UBOX5: variants seen among roughly 807,000 people sequenced by gnomAD.
UBOX5 encodes the protein RING finger protein 37.
A neutral mutation model predicts 39.0 loss-of-function variants in UBOX5; 28 were observed. The ratio of observed to expected loss-of-function variants is 0.72; its 90% CI spans 0.53 to 0.98. UBOX5 has a LOEUF of 0.98. UBOX5 is among the 50% of genes least tolerant of loss of function. UBOX5 has a pLI of 0.00. For missense variants in UBOX5, 585 were observed against 674.4 expected (o/e 0.87, Z 1.47); for synonymous variants, 283 against 275.5 (o/e 1.03, Z -0.27).
intron 1 of UBOX5, among the ~76,000 whole-genome samples, chr20:3,136,664 CTAT>C (rs1311897780): frequency 1.3e-5 from 2 of 148,554 alleles, no homozygotes; most frequent in Non-Finnish European, 3.0e-5. Context: ...CTTAATATTA[CTAT>C]TATTTTGAGA....
At chr20:3,148,813 A>G in intron 1 of UBOX5, 1 of 1,614,212 alleles carries the variant, frequency 6.2e-7, no homozygotes, top group Non-Finnish European at 8.5e-7. Flanking sequence ...TACTGGCCTT[A>G]GAGGAAGAAG....
At chr20:3,117,083 G>A (rs2066298993) in intron 3 of UBOX5, among the ~76,000 whole-genome samples, 1 of 151,106 alleles carries the variant, frequency 6.6e-6, no homozygotes, top group Admixed American at 6.6e-5. Flanking sequence ...GTGACAGAGC[G>A]AGACTCCATC....
At chr20:3,136,801 G>A (rs1048463345) in intron 1 of UBOX5, among the ~76,000 whole-genome samples, 15 of 151,576 alleles carry the variant, frequency 9.9e-5, no homozygotes, top group African/African-American at 2.9e-4. Context: ...GACTATAGGC[G>A]CCTGGCACCA....
intron 1 of UBOX5, among the ~76,000 whole-genome samples, chr20:3,132,334 ACACAAAGAATTATACAG>A (rs1216691452): frequency 6.6e-6 from 1 of 152,082 alleles, no homozygotes; most frequent in Non-Finnish European, 1.5e-5. Context: ...CAAAAACAAA[ACACAAAGAATTATACAG>A]CACAAAGAAT....
rs762512461 is a variant in UBOX5, at chr20:3,147,933, T to A, written c.-42+11833A>T. 1 of 1,614,216 alleles carries A rather than the reference T, an allele frequency of 6.2e-7. No homozygotes were observed. The highest frequency in any genetic ancestry group is 8.5e-7 in the Non-Finnish European group (1 of 1,180,032). Reference sequence around the variant, plus strand: ...AGGGAAGGAATTCGCTGAGGAGCTATCTCTCCAATCTGCTTCATGAAATTG... The same window carrying A: ...AGGGAAGGAATTCGCTGAGGAGCTAACTCTCCAATCTGCTTCATGAAATTG... On this transcript the variant is annotated intron_variant, in intron 1 of 4. Coordinates refer to ENST00000217173, the MANE Select transcript of UBOX5 (RefSeq NM_014948.4).
rs746224837 is a variant in UBOX5, at chr20:3,149,003, C to T, written c.-42+10763G>A. 3 of 1,613,910 alleles carry T rather than the reference C, an allele frequency of 1.9e-6. No individual in the cohort carries two copies. Among genetic ancestry groups the T allele is most frequent in the Non-Finnish European group, 2.5e-6 (3 of 1,180,006 alleles). On this transcript the variant is annotated intron_variant, in intron 1 of 4. Coordinates refer to ENST00000217173, the MANE Select transcript of UBOX5 (RefSeq NM_014948.4). The surrounding 1 kb of genome is among the most constrained non-coding windows in gnomAD (Gnocchi z 4.1). ...CCAGTATGACACACTTCGGACTGCA[C>T]CAAAGGCAGAAGGACTGCAAAATGC...
chr20:3,131,777 G>T (rs960715732), intron 1 of UBOX5, among the ~76,000 whole-genome samples: 2 of 152,168 alleles, frequency 1.3e-5, no homozygotes, highest in African/African-American at 4.8e-5. Context: ...GGGAGGCAAA[G>T]GCGGGCAAAG....
At position 3,121,673 on chromosome 20, in the gene UBOX5, G is replaced by A. The variant is rs201820194; in HGVS notation, c.966C>T (p.Pro322=). 1.3e-4 allele frequency: 206 copies of A among 1,613,818 alleles called. 1 individual carries two copies. The highest frequency in any genetic ancestry group is 3.3e-4 in the Middle Eastern group (2 of 6,084). ...FTPHSQPLPH[P]SLKARIDHFL... is the part of the protein sequence containing the mutation. ...AATGGTCAATCCGGGCCTTGAGGGA[G>A]GGGTGAGGCAGGGGCTGAGAGTGCG... Residue 322 remains proline, a synonymous_variant, in exon 3 of 5, where the codon CCC becomes CCT. Coordinates refer to ENST00000217173, the MANE Select transcript of UBOX5 (RefSeq NM_014948.4).
intron 1 of UBOX5, chr20:3,136,210 T>C (rs2066470016): frequency 6.7e-6 from 1 of 149,938 alleles, no homozygotes; most frequent in Admixed American, 6.8e-5. Context: ...TTCGGCATTT[T>C]CTTCCTTTAG....
At chr20:3,112,273 G>A (rs1319715293) in intron 4 of UBOX5, among the ~76,000 whole-genome samples, 1 of 152,004 alleles carries the variant, frequency 6.6e-6, no homozygotes, top group Non-Finnish European at 1.5e-5. Flanking sequence ...CTGACCCACA[G>A]TGCATGATGA....
Position 3,121,522 on chromosome 20 carries a change from G to A in UBOX5, c.1117C>T (p.Pro373Ser). ...KRKIEQAEHV[P>S]DSNFGVNASC... ...GCATTTACACCAAAGTTACTGTCTG[G>A]GACATGTTCAGCCTGCTCTATCTTC... Residue 373 changes from proline to serine, a missense_variant, in exon 3 of 5, where the codon CCA becomes TCA. Transcript: ENST00000217173. The A allele has an allele frequency of 1.2e-6, 2 of 1,613,790 alleles. No homozygotes were observed. The highest frequency in any genetic ancestry group is 2.2e-5 in the South Asian group (2 of 91,038).
At chr20:3,134,732 G>A (rs6051598) in intron 1 of UBOX5, among the ~76,000 whole-genome samples, 2,567 of 151,410 alleles carry the variant, frequency 0.017, 61 homozygotes, top group African/African-American at 0.059. Context: ...GGTGGCGGGC[G>A]CCTGTAATCC....
intron 1 of UBOX5, among the ~76,000 whole-genome samples, chr20:3,155,117 CAGTG>C (rs372400699): frequency 1.3e-5 from 2 of 151,300 alleles, no homozygotes; most frequent in African/African-American, 4.9e-5. Flanking sequence ...TGGCCAGGAT[CAGTG>C]AGTGGCTCAC....
rs11907671 is a variant in UBOX5, at chr20:3,109,962, C to G, written c.*144G>C. The G allele has an allele frequency of 1.1e-5, 10 of 905,336 alleles. No homozygotes were observed. The African/African-American group carries it at 1.2e-4, about 10-fold the overall frequency. The allele number at this position is 905,336 out of a possible 1,614,324, so 56.1% of individuals were successfully genotyped here. On this transcript the variant is annotated 3_prime_UTR_variant, in exon 5 of 5. Transcript: ENST00000217173. ...CCAGCGCAGAAGCAATGTGCTATAC[C>G]GTGAGGTGATGAAGAAGAGCCCCGG...
intron 3 of UBOX5, among the ~76,000 whole-genome samples, chr20:3,120,345 C>CAA (rs35882932): frequency 0.019 from 1,324 of 70,928 alleles, 38 homozygotes; most frequent in African/African-American, 0.062. Flanking sequence ...GACTCCATCT[C>CAA]AAAAAAAAAA....
At chr20:3,135,581 G>T (rs943950318) in intron 1 of UBOX5, among the ~76,000 whole-genome samples, 1 of 151,394 alleles carries the variant, frequency 6.6e-6, no homozygotes, top group African/African-American at 2.5e-5. Flanking sequence ...TGCAGGTTGA[G>T]AATTAAGAAC....
Position 3,110,121 on chromosome 20 carries a change from C to T in UBOX5, c.1611G>A (p.Leu537=). ...GGTCAGTCACTCAGAAGTGGACCCGCAGCACGTCTTGGCTAGCAACCGGCC... is the reference window on the plus strand; with the variant it reads ...GGTCAGTCACTCAGAAGTGGACCCGTAGCACGTCTTGGCTAGCAACCGGCC... ...CQRPVASQDV[L]RVHF Residue 537 remains leucine, a synonymous_variant, in exon 5 of 5, where the codon CTG becomes CTA. Transcript: ENST00000217173. The T allele has an allele frequency of 6.2e-7, 1 of 1,612,118 alleles. No individual in the cohort carries two copies. The highest frequency in any genetic ancestry group is 8.5e-7 in the Non-Finnish European group (1 of 1,180,018).
At chr20:3,136,378 GAGTCTC>G (rs1394649198) in intron 1 of UBOX5, among the ~76,000 whole-genome samples, 9 of 125,060 alleles carry the variant, frequency 7.2e-5, no homozygotes, top group Admixed American at 6.3e-4. Flanking sequence ...TTTTGAGACA[GAGTCTC>G]TCTCTGTCAC....
At position 3,135,814 on chromosome 20, in the gene UBOX5, T is replaced by C. The variant is rs149494227; in HGVS notation, c.-41-12408A>G. Among the ~76,000 whole-genome samples, 1,420 of 152,032 alleles carry C rather than the reference T, an allele frequency of 9.3e-3. 25 individuals carry two copies. The highest frequency in any genetic ancestry group is 0.031 in the African/African-American group (1,298 of 41,454). ...AAAAAAAAAAGTTGAAAGCTACTGG[T>C]CAGAAGTAAGTCATCGGTGAATCAT... On this transcript the variant is annotated intron_variant, in intron 1 of 4. Coordinates refer to ENST00000217173, the MANE Select transcript of UBOX5 (RefSeq NM_014948.4).
Sources: gnomAD v4.1 joint callset for allele counts (sites outside exome capture counted in the v4.1 genomes callset) on GRCh38, gnomAD v4.1.1 for gene constraint, Gnocchi (gnomAD v3.1) non-coding constraint, MANE v1.5 for transcripts, NCBI Gene and HGNC (gene_info 2026-07-23, HGNC 2026-07-21) for gene names.